The following RSF1 variants were observed in gnomAD, a reference collection of about 807,000 sequenced individuals.
The protein encoded by RSF1 is HBV pX-associated protein 8.
RSF1 carries 13 observed loss-of-function variants against 145.2 expected under a neutral mutation model. The observed-to-expected ratio is 0.09, with a 90% CI of 0.06 to 0.14. The LOEUF (loss-of-function observed/expected upper bound fraction) is 0.14, where lower values mean the gene tolerates loss of function less well. Ranked by LOEUF, RSF1 falls within the 10% of genes least tolerant of loss-of-function variation. RSF1 has a pLI of 1.00. For synonymous variants in RSF1, 577 were observed against 592.6 expected, an observed-to-expected ratio of 0.97 and a Z score of 0.38; for missense variants, 1,517 against 1,718.2, an observed-to-expected ratio of 0.88 and a Z score of 2.07.
chr11:77,796,978 A>C, intron 1 of RSF1, among the ~76,000 whole-genome samples: 1 of 152,226 alleles, frequency 6.6e-6, no homozygotes, highest in East Asian at 1.9e-4. Flanking sequence ...CTTCAAGGAG[A>C]ACTACAAACT....
intron 5 of RSF1, among the ~76,000 whole-genome samples, chr11:77,712,044 C>T (rs902081464): frequency 8.5e-5 from 13 of 152,156 alleles, no homozygotes; most frequent in South Asian, 2.1e-4. Flanking sequence ...TTTGACAATA[C>T]TTCCACAAAA....
rs571173217 is a variant in RSF1 at position 77,800,886 on chromosome 11, C to T, written c.187+19642G>A. Among the ~76,000 whole-genome samples, 10 of 152,136 alleles carry T rather than the reference C, an allele frequency of 6.6e-5. No homozygotes were observed. The South Asian group carries it at 2.1e-3, about 32-fold the overall frequency. ...TCAATTAGCTGAGTGTGATGGTGCA[C>T]CCTAAGTTCTCAGGAAGCTGAGGCA... On this transcript the variant is annotated intron_variant, in intron 1 of 15. Transcript: ENST00000308488.
intron 8 of RSF1, chr11:77,691,790 C>T (rs1409441022): frequency 1.3e-5 from 2 of 152,380 alleles, no homozygotes; most frequent in African/African-American, 4.8e-5. Flanking sequence ...CAATGCTACA[C>T]AGTTACTGAG....
intron 15 of RSF1, among the ~76,000 whole-genome samples, chr11:77,671,141 ATATAT>A (rs1565142897): frequency 1.2e-3 from 17 of 14,444 alleles, no homozygotes; most frequent in South Asian, 3.0e-3. Flanking sequence ...AAAAAAAAAT[ATATAT>A]ATATATATAT....
At position 77,700,804 on chromosome 11, in the gene RSF1, C is replaced by T; in HGVS notation, c.2425G>A (p.Glu809Lys). The stretch of plus-strand genomic sequence containing the variant: ...GTTTTTTGCAAAGCTGTTGACTCTT[C>T]TTCCACCTCATCTTCTCCTTCCCCT... ...KRGEGEDEVE[E>K]ESTALQKTDK... The change falls in exon 6 of 16, where the codon GAA (glutamate) becomes AAA (lysine). Residue 809 changes from glutamate to lysine, a missense_variant. This residue lies in a region of RSF1 where 579 missense variants were observed against 553.5 expected (regional missense o/e 1.05). Coordinates refer to ENST00000308488, the MANE Select transcript of RSF1 (RefSeq NM_016578.4). 1.2e-6 allele frequency: 2 copies of T among 1,611,856 alleles called. No individual in the cohort carries two copies. The highest frequency in any genetic ancestry group is 2.2e-5 in the South Asian group (2 of 90,826).
At chr11:77,706,882 G>A (rs1302580459) in intron 5 of RSF1, among the ~76,000 whole-genome samples, 2 of 151,936 alleles carry the variant, frequency 1.3e-5, no homozygotes, top group Non-Finnish European at 2.9e-5. Context: ...ACAATCTCCT[G>A]GGTTGCCAAT....
chr11:77,861,759 G>A, the RSF1 span, among the ~76,000 whole-genome samples: 2 of 152,134 alleles, frequency 1.3e-5, no homozygotes, highest in Non-Finnish European at 2.9e-5. Context: ...TCCAAAGTCC[G>A]CTTGCCTGAA....
chr11:77,811,091 G>T (rs1014547862), intron 1 of RSF1, among the ~76,000 whole-genome samples: 6 of 152,138 alleles, frequency 3.9e-5, no homozygotes, highest in African/African-American at 1.2e-4. Context: ...TGTTCTCTGT[G>T]ACCATCACTC....
chr11:77,860,572 A>AG, the RSF1 span, among the ~76,000 whole-genome samples: 1 of 152,260 alleles, frequency 6.6e-6, no homozygotes, highest in Non-Finnish European at 1.5e-5. Flanking sequence ...GGCAGCTAAA[A>AG]GTAAATCATC....
the RSF1 span, among the ~76,000 whole-genome samples, chr11:77,870,613 G>A: frequency 6.6e-6 from 1 of 151,852 alleles, no homozygotes; most frequent in South Asian, 2.1e-4. Context: ...TTGGGATTAC[G>A]GGTGTGAGCC....
intron 1 of RSF1, among the ~76,000 whole-genome samples, chr11:77,816,454 G>A (rs971345990): frequency 6.6e-6 from 1 of 152,008 alleles, no homozygotes; most frequent in Non-Finnish European, 1.5e-5. Context: ...TTTTCACTTC[G>A]AGTTAAAATT....
intron 1 of RSF1, among the ~76,000 whole-genome samples, chr11:77,777,114 A>C (rs981641962): frequency 3.3e-5 from 5 of 152,152 alleles, no homozygotes; most frequent in Non-Finnish European, 7.4e-5. Context: ...TTTCTTCTCC[A>C]ATGGATCATT....
At chr11:77,853,094 G>C in the RSF1 span, among the ~76,000 whole-genome samples, 985 of 152,304 alleles carry the variant, frequency 6.5e-3, 9 homozygotes, top group African/African-American at 0.023. Context: ...TGTAAATGTA[G>C]ATTTGTTAGA....
chr11:77,740,827 A>T lies in RSF1; in HGVS notation c.482T>A (p.Leu161His). 1 of 1,614,068 alleles carries T rather than the reference A, an allele frequency of 6.2e-7. No homozygotes were observed. Among genetic ancestry groups the T allele is most frequent in the Non-Finnish European group, 8.5e-7 (1 of 1,179,904 alleles). The change falls in exon 4 of 16, where the codon CTC (leucine) becomes CAC (histidine). Residue 161 changes from leucine to histidine, a missense_variant. By Grantham distance (99) the Leu-to-His change is moderately conservative. Around this residue, in one of 12 missense-constraint regions of RSF1, gnomAD observed 94 missense variants for 143.6 expected, o/e 0.65. Transcript: ENST00000308488. Reference protein sequence around the residue: ...LQPIGRDKDGLMYWYQLDQDH... With the variant: ...LQPIGRDKDGHMYWYQLDQDH... ...TTGATCCAATTGGTACCAGTACATG[A>T]GGCCATCTTTGTCTCGACCAATTGG... is the stretch of plus-strand genomic sequence containing the variant.
At chr11:77,697,694 A>T (rs72947636) in intron 7 of RSF1, among the ~76,000 whole-genome samples, 26,980 of 150,478 alleles carry the variant, frequency 0.18, 3,094 homozygotes, top group African/African-American at 0.31. Context: ...ATTAAAAAAA[A>T]TTTTTTATGT....
At chr11:77,862,414 T>A in the RSF1 span, among the ~76,000 whole-genome samples, 153 of 152,296 alleles carry the variant, frequency 1.0e-3, no homozygotes, top group Non-Finnish European at 1.5e-3. Flanking sequence ...TTTACCTAGG[T>A]CTATTTTAAT....
At chr11:77,795,637 G>A (rs559025790) in intron 1 of RSF1, among the ~76,000 whole-genome samples, 1 of 152,306 alleles carries the variant, frequency 6.6e-6, no homozygotes, top group Admixed American at 6.5e-5. Flanking sequence ...TCTCAAATAA[G>A]TGGTGCTGAA....
At chr11:77,700,145 G>T (rs1960379738) in intron 6 of RSF1, among the ~76,000 whole-genome samples, 1 of 151,980 alleles carries the variant, frequency 6.6e-6, no homozygotes, top group South Asian at 2.1e-4. Flanking sequence ...CAGGTCAAGA[G>T]ATCGAGATCA....
chr11:77,863,903 G>T, the RSF1 span, among the ~76,000 whole-genome samples: 1 of 151,984 alleles, frequency 6.6e-6, no homozygotes, highest in Non-Finnish European at 1.5e-5. Flanking sequence ...GATAAAATTT[G>T]CAAATAGTTT....
Sources: gnomAD v4.1 joint callset for allele counts (sites outside exome capture counted in the v4.1 genomes callset) on GRCh38, gnomAD v4.1.1 for gene constraint, gnomAD v4.1.1 regional missense constraint, MANE v1.5 for transcripts, NCBI Gene and HGNC (gene_info 2026-07-23, HGNC 2026-07-21) for gene names.